The following EME2 variants were observed in gnomAD, a reference collection of about 807,000 sequenced individuals.
EME2 encodes the protein essential meiotic structure-specific endonuclease subunit 2.
Under a neutral mutation model 41.9 loss-of-function variants are expected in EME2, and 58 were observed. That is an observed-to-expected ratio of 1.38 (90% confidence interval 1.12 to 1.72). The LOEUF (loss-of-function observed/expected upper bound fraction) is 1.72, where lower values mean the gene tolerates loss of function less well. EME2 is among the 40% of genes most tolerant of loss of function. The pLI is 0.00. For synonymous variants in EME2, 334 were observed against 239.3 expected, an observed-to-expected ratio of 1.40 and a Z score of -3.65; for missense variants, 695 against 541.9, an observed-to-expected ratio of 1.28 and a Z score of -2.81.
At position 1,775,055 on chromosome 16, in the gene EME2, CCACTG is replaced by C. The variant is rs771645574; in HGVS notation, c.493_497del (p.His165GlyfsTer143). On this transcript the variant is annotated frameshift_variant, in exon 4 of 8. Transcript: ENST00000568449. LOFTEE classifies it high-confidence loss of function. ...CTCATCTTCAGATCTCTGGCCCAAC[CCACTG>C]GGTGCCCTGGATCTCCCCCGAGACC... 2 of 1,609,770 alleles carry C rather than the reference CCACTG, an allele frequency of 1.2e-6. No homozygotes were observed. Among genetic ancestry groups the C allele is most frequent in the South Asian group, 2.2e-5 (2 of 91,070 alleles).
rs1896642392 is a variant in EME2 at position 1,779,524 on chromosome 16, G to A, written c.*3286G>A. 6.6e-6 allele frequency: 1 copy of A among 152,312 alleles called. No homozygotes were observed. The highest frequency in any genetic ancestry group is 2.4e-5 in the African/African-American group (1 of 41,452). The allele number at this position is 152,312 out of a possible 1,614,324, so 9.4% of individuals were successfully genotyped here. A position where few individuals can be genotyped will look rare whatever the true frequency, so the allele number is the denominator to read the frequency against. ...CTATCGAAAGCCAGCTTCAGGGCAG[G>A]ACACTGTCCTTTCTGGAGGGGATGG... On this transcript the variant is annotated 3_prime_UTR_variant, in exon 8 of 8. Coordinates refer to ENST00000568449, the MANE Select transcript of EME2 (RefSeq NM_001257370.2).
chr16:1,777,636 C>T lies in EME2; in HGVS notation c.*1398C>T, dbSNP rs1376101043. The T allele has an allele frequency of 4.6e-6, 7 of 1,529,832 alleles. No homozygotes were observed. Among genetic ancestry groups the T allele is most frequent in the Non-Finnish European group, 6.2e-6 (7 of 1,136,166 alleles). The allele number at this position is 1,529,832 out of a possible 1,614,324, so 94.8% of individuals were successfully genotyped here. A position where few individuals can be genotyped will look rare whatever the true frequency, so the allele number is the denominator to read the frequency against. On this transcript the variant is annotated 3_prime_UTR_variant, in exon 8 of 8. Coordinates refer to ENST00000568449, the MANE Select transcript of EME2 (RefSeq NM_001257370.2). Reference sequence around the variant, plus strand: ...CCCCCTGGGACCCTGGGGCCTCAGGCTTCTGGGAGGAACCCTTTCAGAAAA... The same window carrying T: ...CCCCCTGGGACCCTGGGGCCTCAGGTTTCTGGGAGGAACCCTTTCAGAAAA...
intron 4 of EME2, 59 bp from the exon 5 acceptor site, chr16:1,775,256 C>T (rs2042692730): frequency 6.2e-7 from 1 of 1,601,460 alleles, no homozygotes. Context: ...CTGGCAGAGG[C>T]CAAGCTCGGG....
In EME2 at chr16:1,772,926, A is replaced by G; in HGVS notation, c.-302A>G. The G allele has an allele frequency of 6.9e-7, 1 of 1,448,676 alleles. No homozygotes were observed. The highest frequency in any genetic ancestry group is 9.0e-7 in the Non-Finnish European group (1 of 1,106,754). The allele number at this position is 1,448,676 out of a possible 1,614,324, so 89.7% of individuals were successfully genotyped here. The stretch of plus-strand genomic sequence containing the variant: ...GAGCGGGAGGCGGCCGAGCAGCTGC[A>G]AGAGGCGGCTCTCGCGGCGCACGTC... On this transcript the variant is annotated 5_prime_UTR_variant, in exon 1 of 8. Transcript: ENST00000568449.
Position 1,777,827 on chromosome 16 carries a change from A to C in EME2, c.*1589A>C, listed in dbSNP as rs761849575. ...CACGCCAATGATGGAGCCCTGGCCG[A>C]ACCGCGATGAGAAGCTGGTCTTGTC... On this transcript the variant is annotated 3_prime_UTR_variant, in exon 8 of 8. Transcript: ENST00000568449. 6.2e-7 allele frequency: 1 copy of C among 1,612,862 alleles called. No homozygotes were observed. Among genetic ancestry groups the C allele is most frequent in the East Asian group, 2.2e-5 (1 of 44,860 alleles).
intron 5 of EME2, 52 bp downstream of exon 5, chr16:1,775,460 G>A: frequency 1.2e-6 from 2 of 1,600,806 alleles, no homozygotes; most frequent in Non-Finnish European, 1.7e-6. Context: ...CCCAGTGATT[G>A]GGCTGCTGGC....
rs778063601 is a variant in EME2 at position 1,775,563 on chromosome 16, C to A, written c.664-6C>A. 1 of 1,612,714 alleles carries A rather than the reference C, an allele frequency of 6.2e-7. No homozygotes were observed. The highest frequency in any genetic ancestry group is 1.7e-5 in the Admixed American group (1 of 60,020). On this transcript the variant is annotated splice_polypyrimidine_tract_variant and splice_region_variant and intron_variant, in intron 5 of 7. Coordinates refer to ENST00000568449, the MANE Select transcript of EME2 (RefSeq NM_001257370.2). ...GCTCGTGCCCATCAGCTTGCCTCCT[C>A]CCCAGGCCCTGGTACTCCTGCAGCT...
chr16:1,774,908 G>A, intron 3 of EME2, 133 bp from the exon 4 acceptor site: 1 of 751,274 alleles, frequency 1.3e-6, no homozygotes, highest in Non-Finnish European at 2.2e-6. Context: ...AGGGGTAACG[G>A]AACAGAGGCT....
chr16:1,775,439 G>T (rs1428302338), intron 5 of EME2, 31 bp downstream of exon 5: 1 of 1,608,690 alleles, frequency 6.2e-7, no homozygotes, highest in Non-Finnish European at 8.5e-7. Context: ...GGTGAGTCAG[G>T]TGGCCTGGGT....
rs781257318 is a variant in EME2, at chr16:1,775,095, C to T, written c.532C>T (p.Pro178Ser). The T allele has an allele frequency of 4.3e-5, 70 of 1,611,480 alleles. 1 individual carries two copies. The highest frequency in any genetic ancestry group is 5.8e-5 in the Non-Finnish European group (68 of 1,179,992). ...PWISPETTAR[P>S]HLAVIGLDAY... is the part of the protein sequence containing the mutation. ...GATCTCCCCCGAGACCACCGCCCGGCCCCACCTGGCTGTCATCGGGCTGGA... is the reference window on the plus strand; with the variant it reads ...GATCTCCCCCGAGACCACCGCCCGGTCCCACCTGGCTGTCATCGGGCTGGA... Residue 178 changes from proline to serine, a missense_variant, in exon 4 of 8, where the codon CCC (proline) becomes TCC (serine). Pro to Ser is a moderately conservative substitution (Grantham distance 74). Coordinates refer to ENST00000568449, the MANE Select transcript of EME2 (RefSeq NM_001257370.2).
At chr16:1,774,870 T>C (rs2042685077) in intron 3 of EME2, 171 bp from the exon 4 acceptor site, 2 of 673,082 alleles carry the variant, frequency 3.0e-6, no homozygotes, top group Admixed American at 2.3e-5. Flanking sequence ...TTTGGCCTCG[T>C]GGGAGGCACA....
chr16:1,773,846 G>A lies in EME2; in HGVS notation c.384+5G>A. 1.3e-6 allele frequency: 2 copies of A among 1,535,774 alleles called. No individual in the cohort carries two copies. Among genetic ancestry groups the A allele is most frequent in the Non-Finnish European group, 1.7e-6 (2 of 1,146,442 alleles). On this transcript the variant is annotated splice_donor_5th_base_variant and intron_variant, in intron 2 of 7. Coordinates refer to ENST00000568449, the MANE Select transcript of EME2 (RefSeq NM_001257370.2). ...CCCGACCCCTGCCCCCGCAGCGTGA[G>A]TGGTCGCGGGTTCCCGAGGGCCAGC...
chr16:1,779,718 A>G lies in EME2; in HGVS notation c.*3480A>G, dbSNP rs1469880756. Reference sequence around the variant, plus strand: ...CTGGAGAAGGAGAAAGACTGAAGCCACTGCCTACCTCCTGCCCACAACAGA... The same window carrying G: ...CTGGAGAAGGAGAAAGACTGAAGCCGCTGCCTACCTCCTGCCCACAACAGA... On this transcript the variant is annotated 3_prime_UTR_variant, in exon 8 of 8. Transcript: ENST00000568449. The G allele has an allele frequency of 6.6e-6, 1 of 152,436 alleles. No homozygotes were observed. Among genetic ancestry groups the G allele is most frequent in the Non-Finnish European group, 1.5e-5 (1 of 68,238 alleles). The allele number at this position is 152,436 out of a possible 1,614,324, so 9.4% of individuals were successfully genotyped here. A position where few individuals can be genotyped will look rare whatever the true frequency, so the allele number is the denominator to read the frequency against.
intron 1 of EME2, 44 bp from the exon 2 acceptor site, chr16:1,773,661 G>A: frequency 3.9e-6 from 6 of 1,546,836 alleles, no homozygotes; most frequent in East Asian, 4.9e-5. Context: ...GCGCTCGCGA[G>A]GGTGGAAGGA....
rs376746938 is a variant in EME2, at chr16:1,775,668, G to A, written c.763G>A (p.Ala255Thr). The A allele has an allele frequency of 1.9e-5, 31 of 1,612,778 alleles. No homozygotes were observed. Among genetic ancestry groups the A allele is most frequent in the Non-Finnish European group, 2.3e-5 (27 of 1,180,028 alleles). Residue 255 changes from alanine to threonine, a missense_variant, in exon 6 of 8, where the codon GCC (alanine) becomes ACC (threonine). Physicochemically the swap from Ala to Thr is moderately conservative, Grantham distance 58. Transcript: ENST00000568449. ...CGTGTGCGCCGTTACCAAGGCTCTC[G>A]CCCAGTATCCCCTCAAGTGCGTGAT... ...RHVCAVTKAL[A>T]QYPLKQYRES... is the part of the protein sequence containing the mutation.
chr16:1,781,646 C>CCT lies in EME2; in HGVS notation c.*5410_*5411dup. Reference sequence around the variant, plus strand: ...CTCCAGAACGCTTCAGGAGCCCGTACCTCACTCCAGGATCTGAGCAGCTCA... The same window carrying CCT: ...CTCCAGAACGCTTCAGGAGCCCGTACCTCTCACTCCAGGATCTGAGCAGCTCA... On this transcript the variant is annotated 3_prime_UTR_variant, in exon 8 of 8. Transcript: ENST00000568449. 2 of 770,370 alleles carry CCT rather than the reference C, an allele frequency of 2.6e-6. No individual in the cohort carries two copies. Among genetic ancestry groups the CCT allele is most frequent in the Non-Finnish European group, 4.1e-6 (2 of 483,720 alleles). 47.7% of individuals were successfully genotyped at this position (770,370 alleles called of 1,614,324 possible). A position where few individuals can be genotyped will look rare whatever the true frequency, so the allele number is the denominator to read the frequency against.
intron 2 of EME2, 80 bp from the exon 3 acceptor site, chr16:1,774,180 T>C (rs897682770): frequency 1.6e-6 from 2 of 1,280,680 alleles, no homozygotes; most frequent in African/African-American, 1.5e-5. Flanking sequence ...ACGAACCGCT[T>C]TGCTGCTGGA....
chr16:1,776,281 G>A lies in EME2; in HGVS notation c.*43G>A. ...AGGACAGCATGCAGCCTTGGGGACA[G>A]ACCAGACACCCTGGGCGGTGGGGGA... On this transcript the variant is annotated 3_prime_UTR_variant, in exon 8 of 8. Transcript: ENST00000568449. 1 of 1,597,026 alleles carries A rather than the reference G, an allele frequency of 6.3e-7. No individual in the cohort carries two copies. Among genetic ancestry groups the A allele is most frequent in the Non-Finnish European group, 8.6e-7 (1 of 1,169,326 alleles).
chr16:1,775,006 C>A (rs369911602), intron 3 of EME2, 35 bp from the exon 4 acceptor site: 4 of 1,562,300 alleles, frequency 2.6e-6, no homozygotes, highest in Non-Finnish European at 3.5e-6. Flanking sequence ...CCGCAGCCTC[C>A]TGTGAACAAC....
Sources: allele counts gnomAD v4.1 joint callset, GRCh38; gene constraint gnomAD v4.1.1; transcripts MANE v1.5; gene names NCBI Gene and HGNC (gene_info 2026-07-23, HGNC 2026-07-21).